Variants in SPATA31C2 observed in about 807,000 individuals in gnomAD.
SPATA31C2 encodes SPATA31 subfamily C member 2, also known as spermatogenesis-associated protein 31C2.
Under a neutral mutation model 11.4 loss-of-function variants are expected in SPATA31C2, and 5 were observed. That is an observed-to-expected ratio of 0.44 (90% confidence interval 0.23 to 0.92). SPATA31C2 has a LOEUF of 0.92. Ranked by LOEUF, SPATA31C2 falls within the 40% of genes least tolerant of loss-of-function variation. SPATA31C2 has a pLI of 0.24. For missense variants in SPATA31C2, 1,353 were observed against 1,368.6 expected (o/e 0.99, Z 0.18); for synonymous variants, 515 against 538.7 (o/e 0.96, Z 0.61).
Position 88,129,847 on chromosome 9 carries a change from C to G in SPATA31C2, c.3190G>C (p.Glu1064Gln), listed in dbSNP as rs772918513. ...GCATGGCAAAGTGACATGTTCTCCTCCAGTATCTGTCCAACTGCTGTCATG... is the reference window on the plus strand; with the variant it reads ...GCATGGCAAAGTGACATGTTCTCCTGCAGTATCTGTCCAACTGCTGTCATG... ...RLMTAVGQIL[E>Q]ENMSLCHARH... is the part of the protein sequence containing the mutation. Residue 1064 changes from glutamate to glutamine, a missense_variant, in exon 4 of 4, where the codon GAG (glutamate) becomes CAG (glutamine). Coordinates refer to ENST00000324915, the MANE Select transcript of SPATA31C2 (RefSeq NM_001350978.3). 2 of 1,604,922 alleles carry G rather than the reference C, an allele frequency of 1.2e-6. No individual in the cohort carries two copies. The highest frequency in any genetic ancestry group is 1.1e-5 in the South Asian group (1 of 90,970).
Position 88,132,850 on chromosome 9 carries a change from C to G in SPATA31C2, c.326+116G>C, listed in dbSNP as rs142398701. The stretch of plus-strand genomic sequence containing the variant: ...TGCTACCCCTCGCCCCAGGGCTTTA[C>G]TCCCATCCTCTGTCCCCCTGGTCTC... On this transcript the variant is annotated intron_variant, in intron 3 of 3. Transcript: ENST00000324915. 2.9e-3 allele frequency: 3,755 copies of G among 1,298,788 alleles called. 1,181 individuals are homozygous for G. The African/African-American group carries it at 0.068, about 23-fold the overall frequency. 80.5% of individuals were successfully genotyped at this position (1,298,788 alleles called of 1,614,324 possible).
At position 88,130,434 on chromosome 9, in the gene SPATA31C2, T is replaced by G; in HGVS notation, c.2603A>C (p.Glu868Ala). Residue 868 changes from glutamate (E) to alanine (A), a missense_variant, in exon 4 of 4, where the codon GAG (glutamate) becomes GCG (alanine). Transcript: ENST00000324915. ...AGTGGCAGAAACTTGAGGCTGGGTC[T>G]CTGACTTCGTGGCCTTTCCAGGCTC... ...EFEPGKATKSETQPQVSATVV... is the reference protein window; with the variant it reads ...EFEPGKATKSATQPQVSATVV... 6.2e-7 allele frequency: 1 copy of G among 1,613,084 alleles called. No homozygotes were observed. Among genetic ancestry groups the G allele is most frequent in the South Asian group, 1.1e-5 (1 of 91,048 alleles).
Position 88,129,852 on chromosome 9 carries a change from A to C in SPATA31C2, c.3185T>G (p.Ile1062Arg). The stretch of plus-strand genomic sequence containing the variant: ...GCAAAGTGACATGTTCTCCTCCAGT[A>C]TCTGTCCAACTGCTGTCATGAGCCT... Reference protein sequence around the residue: ...AERLMTAVGQILEENMSLCHA... With the variant: ...AERLMTAVGQRLEENMSLCHA... The change falls in exon 4 of 4, where the codon ATA becomes AGA. Residue 1062 changes from isoleucine (I) to arginine (R), a missense_variant. Around this residue, in one of 6 missense-constraint regions of SPATA31C2, gnomAD observed 187 missense variants for 205.8 expected, o/e 0.91. Coordinates refer to ENST00000324915, the MANE Select transcript of SPATA31C2 (RefSeq NM_001350978.3). The C allele has an allele frequency of 6.2e-7, 1 of 1,604,926 alleles. No homozygotes were observed.
chr9:88,135,045 GGGGCTTCACATCACAAA>G, intron 1 of SPATA31C2: 1 of 687,864 alleles, frequency 1.5e-6, no homozygotes, highest in Non-Finnish European at 2.3e-6. Context: ...TCACAGAGCT[GGGGCTTCACATCACAAA>G]GGGCTCCTTT....
In SPATA31C2 at chr9:88,131,857, T is replaced by A. The variant is rs777628083; in HGVS notation, c.1180A>T (p.Thr394Ser). ...NKVQALSLPE[T>S]QHPERPLLKK... is the part of the protein sequence containing the mutation. ...AACAAAGGCCTTTCAGGGTGCTGAG[T>A]TTCAGGTAGGGAGAGAGCTTGCACT... Residue 394 changes from threonine to serine, a missense_variant, in exon 4 of 4, where the codon ACT becomes TCT. By Grantham distance (58) the Thr-to-Ser change is moderately conservative. Around this residue, in one of 6 missense-constraint regions of SPATA31C2, gnomAD observed 1,075 missense variants for 992.8 expected, o/e 1.08. Transcript: ENST00000324915. 1 of 1,610,968 alleles carries A rather than the reference T, an allele frequency of 6.2e-7. No individual in the cohort carries two copies. Among genetic ancestry groups the A allele is most frequent in the Non-Finnish European group, 8.5e-7 (1 of 1,179,166 alleles).
In SPATA31C2 at chr9:88,130,896, C is replaced by T. The variant is rs763887661; in HGVS notation, c.2141G>A (p.Ser714Asn). 6.2e-7 allele frequency: 1 copy of T among 1,613,826 alleles called. No homozygotes were observed. The highest frequency in any genetic ancestry group is 8.5e-7 in the Non-Finnish European group (1 of 1,179,878). The change falls in exon 4 of 4, where the codon AGT (serine) becomes AAT (asparagine). Residue 714 changes from serine to asparagine, a missense_variant. Around this residue, in one of 6 missense-constraint regions of SPATA31C2, gnomAD observed 1,075 missense variants for 992.8 expected, o/e 1.08. Coordinates refer to ENST00000324915, the MANE Select transcript of SPATA31C2 (RefSeq NM_001350978.3). ...ATFLGEPPMA[S>N]LRKQVLTKPS... ...TTTGGTCAGCACCTGCTTTCTCAGA[C>T]TTGCCATTGGTGGCTCTCCAAGGAA...
intron 1 of SPATA31C2, 63 bp from the exon 2 acceptor site, chr9:88,133,732 G>C: frequency 6.6e-7 from 1 of 1,504,434 alleles, no homozygotes; most frequent in Non-Finnish European, 9.0e-7. Context: ...CAGCCCAGCC[G>C]CAGCACGCTG....
At chr9:88,136,497 A>G (rs1439517697) in intron 1 of SPATA31C2, among the ~76,000 whole-genome samples, 8 of 146,062 alleles carry the variant, frequency 5.5e-5, no homozygotes, top group African/African-American at 2.0e-4. Flanking sequence ...TCCAGTTTTT[A>G]CCCTGTCTTT....
In SPATA31C2 at chr9:88,130,197, C is replaced by T. The variant is rs1450154722; in HGVS notation, c.2840G>A (p.Ser947Asn). 1 of 1,608,746 alleles carries T rather than the reference C, an allele frequency of 6.2e-7. No homozygotes were observed. The highest frequency in any genetic ancestry group is 8.5e-7 in the Non-Finnish European group (1 of 1,177,962). Residue 947 changes from serine to asparagine, a missense_variant, in exon 4 of 4, where the codon AGC (serine) becomes AAC (asparagine). Transcript: ENST00000324915. Reference protein sequence around the residue: ...PNCQGSCKSQSPMFPPTHKRE... With the variant: ...PNCQGSCKSQNPMFPPTHKRE... ...CTTGTGAGTAGGGGGAAACATTGGG[C>T]TTTGGCTCTTGCATGAGCCTTGACA...
chr9:88,131,675 C>A lies in SPATA31C2; in HGVS notation c.1362G>T (p.Glu454Asp). Residue 454 changes from glutamate (E) to aspartate (D), a missense_variant, in exon 4 of 4, where the codon GAG becomes GAT. Around this residue, in one of 6 missense-constraint regions of SPATA31C2, gnomAD observed 1,075 missense variants for 992.8 expected, o/e 1.08. Transcript: ENST00000324915. Reference sequence around the variant, plus strand: ...TCCTTCCACGTTGCCCCATGTGTTGCTCCAGTTGTCTCCAGAGTTCAGGAC... The same window carrying A: ...TCCTTCCACGTTGCCCCATGTGTTGATCCAGTTGTCTCCAGAGTTCAGGAC... The part of the protein sequence containing the change: ...PVSPELWRQL[E>D]QHMGQRGRIQ... 1 of 1,612,032 alleles carries A rather than the reference C, an allele frequency of 6.2e-7. No homozygotes were observed. The highest frequency in any genetic ancestry group is 8.5e-7 in the Non-Finnish European group (1 of 1,179,860).
chr9:88,137,914 G>A (rs1349177630), intron 1 of SPATA31C2, among the ~76,000 whole-genome samples: 1 of 103,284 alleles, frequency 9.7e-6, no homozygotes, highest in Non-Finnish European at 1.7e-5. Flanking sequence ...GCCTGGCCTC[G>A]GACAGAGACC....
intron 1 of SPATA31C2, among the ~76,000 whole-genome samples, chr9:88,134,439 T>A (rs1825651802): frequency 6.6e-6 from 1 of 150,942 alleles, no homozygotes; most frequent in African/African-American, 2.4e-5. Context: ...GCTCAGGGCC[T>A]GGCCTCGGAC....
Position 88,131,691 on chromosome 9 carries a change from A to T in SPATA31C2, c.1346T>A (p.Leu449His). The T allele has an allele frequency of 1.9e-6, 3 of 1,611,956 alleles. No individual in the cohort carries two copies. The highest frequency in any genetic ancestry group is 8.5e-7 in the Non-Finnish European group (1 of 1,179,850). The change falls in exon 4 of 4, where the codon CTC becomes CAC. Residue 449 changes from leucine (L) to histidine (H), a missense_variant. This residue lies in a region of SPATA31C2 where 1,075 missense variants were observed against 992.8 expected (regional missense o/e 1.08). Transcript: ENST00000324915. The part of the protein sequence containing the change: ...LPENFPVSPE[L>H]WRQLEQHMGQ... ...CATGTGTTGCTCCAGTTGTCTCCAG[A>T]GTTCAGGACTGACTGGAAAGTTCTC...
rs549318207 is a variant in SPATA31C2 at position 88,130,260 on chromosome 9, C to T, written c.2777G>A (p.Arg926Lys). ...GGGCTCCTTGTGCCCCATGTTACTC[C>T]TTCTGGCTGACATGAGGTCACATAG... is the stretch of plus-strand genomic sequence containing the variant. ...QELCDLMSARRSNMGHKEPRN... is the reference protein window; with the variant it reads ...QELCDLMSARKSNMGHKEPRN... Residue 926 changes from arginine (R) to lysine (K), a missense_variant, in exon 4 of 4, where the codon AGG becomes AAG. Coordinates refer to ENST00000324915, the MANE Select transcript of SPATA31C2 (RefSeq NM_001350978.3). 14 of 1,609,346 alleles carry T rather than the reference C, an allele frequency of 8.7e-6. No individual in the cohort carries two copies. The highest frequency in any genetic ancestry group is 5.0e-5 in the Admixed American group (3 of 59,684).
At chr9:88,135,513 AT>A (rs1179280719) in intron 1 of SPATA31C2, among the ~76,000 whole-genome samples, 5 of 119,288 alleles carry the variant, frequency 4.2e-5, no homozygotes, top group East Asian at 3.6e-4. Context: ...CTTTTTTTTT[AT>A]TTTTTTTATT....
rs755689599 is a variant in SPATA31C2, at chr9:88,132,120, T to A, written c.917A>T (p.Asp306Val). The A allele has an allele frequency of 8.1e-6, 13 of 1,610,494 alleles. No homozygotes were observed. The African/African-American group carries it at 1.5e-4, about 18-fold the overall frequency. ...WCVFNSSVQQDHLSRQRDTTM... is the reference protein window; with the variant it reads ...WCVFNSSVQQVHLSRQRDTTM... ...AGTGTCCCTTTGGCGGGAAAGATGA[T>A]CTTGCTGGACTGACGAGTTGAAGAC... is the stretch of plus-strand genomic sequence containing the variant. The change falls in exon 4 of 4, where the codon GAT becomes GTT. Residue 306 changes from aspartate (D) to valine (V), a missense_variant. Physicochemically the swap from Asp to Val is radical, Grantham distance 152 (BLOSUM62 -3). Coordinates refer to ENST00000324915, the MANE Select transcript of SPATA31C2 (RefSeq NM_001350978.3).
chr9:88,133,759 G>T (rs1825640939), intron 1 of SPATA31C2, 90 bp from the exon 2 acceptor site: 2 of 1,447,692 alleles, frequency 1.4e-6, no homozygotes, highest in South Asian at 2.6e-5. Context: ...TGAACCGCAT[G>T]GCTCTGTCTG....
rs1305592627 is a variant in SPATA31C2 at position 88,132,539 on chromosome 9, C to T, written c.498G>A (p.Lys166=). 1 of 1,610,642 alleles carries T rather than the reference C, an allele frequency of 6.2e-7. No homozygotes were observed. Among genetic ancestry groups the T allele is most frequent in the African/African-American group, 1.3e-5 (1 of 74,774 alleles). The change falls in exon 4 of 4, where the codon AAG becomes AAA. Residue 166 remains lysine, a synonymous_variant. Transcript: ENST00000324915. ...SPLASPDPRT[K]HPQDLASTPP... is the part of the protein sequence containing the mutation. ...GGGTGGAGGCCAGATCCTGAGGATG[C>T]TTGGTTCGAGGATCCGGGGAAGCTA...
At chr9:88,136,513 C>G (rs1292911426) in intron 1 of SPATA31C2, among the ~76,000 whole-genome samples, 3 of 146,922 alleles carry the variant, frequency 2.0e-5, no homozygotes, top group African/African-American at 5.0e-5. Flanking sequence ...TCTTTATTAA[C>G]AGGCTCTTAT....
Sources: allele counts gnomAD v4.1 joint callset (sites outside exome capture counted in the v4.1 genomes callset), GRCh38; gene constraint gnomAD v4.1.1; regional missense constraint gnomAD v4.1.1; transcripts MANE v1.5; gene names NCBI Gene and HGNC (gene_info 2026-07-23, HGNC 2026-07-21).